The following BTBD9 variants were observed in gnomAD, a reference collection of about 807,000 sequenced individuals.
BTBD9 encodes the protein BTB domain containing 9.
BTBD9 carries 49 observed loss-of-function variants against 64.3 expected under a neutral mutation model. The ratio of observed to expected loss-of-function variants is 0.76; its 90% CI spans 0.61 to 0.97. BTBD9 has a LOEUF of 0.97. Among genes scored for constraint, BTBD9 ranks in the 50% least tolerant of loss-of-function variants. BTBD9 has a pLI of 0.00. For synonymous variants in BTBD9, 260 were observed against 274.7 expected, an observed-to-expected ratio of 0.95 and a Z score of 0.53; for missense variants, 598 against 762.1, an observed-to-expected ratio of 0.78 and a Z score of 2.53.
intron 7 of BTBD9, among the ~76,000 whole-genome samples, chr6:38,332,155 CA>C (rs1236428856): frequency 6.6e-6 from 1 of 152,068 alleles, no homozygotes; most frequent in Non-Finnish European, 1.5e-5. Flanking sequence ...ATGTATGTTG[CA>C]ATTATTTTTT....
At chr6:38,267,824 C>A (rs763948984) in intron 8 of BTBD9, among the ~76,000 whole-genome samples, 1 of 152,248 alleles carries the variant, frequency 6.6e-6, no homozygotes, top group East Asian at 1.9e-4. Flanking sequence ...CCTGTAGTCC[C>A]AGCTACTCGG....
chr6:38,550,468 C>T (rs1774748003), intron 6 of BTBD9, among the ~76,000 whole-genome samples: 1 of 152,032 alleles, frequency 6.6e-6, no homozygotes, highest in Admixed American at 6.6e-5. Context: ...AGGCACATGC[C>T]ACCACACCCG....
In BTBD9 at chr6:38,220,799, C is replaced by T. The variant is rs139000458; in HGVS notation, c.1563-28202G>A. On this transcript the variant is annotated intron_variant, in intron 9 of 10. Transcript: ENST00000481247. ...AAGACAATGTCACACCAAGCACCAT[C>T]GCTGCCTTCTTGAGATTCTTGGGAC... Among the ~76,000 whole-genome samples the T allele has an allele frequency of 2.1e-3, 318 of 152,342 alleles. 3 individuals are homozygous for T. The highest frequency in any genetic ancestry group is 7.2e-3 in the African/African-American group (301 of 41,572).
chr6:38,343,544 C>G lies in BTBD9; in HGVS notation c.1264+1440G>C, dbSNP rs185070400. On this transcript the variant is annotated intron_variant, in intron 7 of 10. Coordinates refer to ENST00000481247, the MANE Select transcript of BTBD9 (RefSeq NM_001099272.2). ...TCAGATATACAGTGAGGCCTACAGT[C>G]TATGGAAGAGCCTGGACAACAGGTG... is the stretch of plus-strand genomic sequence containing the variant. 1.4e-3 allele frequency among the ~76,000 whole-genome samples: 220 copies of G among 152,210 alleles called. 1 individual carries two copies. Among genetic ancestry groups the G allele is most frequent in the African/African-American group, 5.1e-3 (210 of 41,534 alleles).
chr6:38,177,688 C>A (rs1463782634), intron 10 of BTBD9, among the ~76,000 whole-genome samples: 1 of 152,190 alleles, frequency 6.6e-6, no homozygotes, highest in African/African-American at 2.4e-5. Flanking sequence ...TTCCACGACC[C>A]GACCTGTCGG....
intron 9 of BTBD9, among the ~76,000 whole-genome samples, chr6:38,230,018 T>G (rs1005335245): frequency 8.5e-5 from 13 of 152,160 alleles, no homozygotes; most frequent in Admixed American, 6.5e-4. Context: ...TGACCGCCAG[T>G]CCATTCTACC....
intron 6 of BTBD9, among the ~76,000 whole-genome samples, chr6:38,506,313 A>G (rs376471162): frequency 4.0e-4 from 61 of 152,344 alleles, no homozygotes; most frequent in African/African-American, 1.3e-3. Flanking sequence ...AAATGTGTTC[A>G]GAATACTTAC....
intron 6 of BTBD9, among the ~76,000 whole-genome samples, chr6:38,425,567 A>T (rs976710782): frequency 6.6e-6 from 1 of 151,834 alleles, no homozygotes; most frequent in Non-Finnish European, 1.5e-5. Flanking sequence ...GAGAGAGAAT[A>T]GGAGAGGGAG....
At chr6:38,251,623 G>C (rs1035403564) in intron 9 of BTBD9, among the ~76,000 whole-genome samples, 2 of 152,100 alleles carry the variant, frequency 1.3e-5, no homozygotes, top group Non-Finnish European at 1.5e-5. Flanking sequence ...ATTTCAGCCA[G>C]GTGCGGTGGC....
In BTBD9 at chr6:38,297,898, T is replaced by C. The variant is rs1762220051; in HGVS notation, c.1265-9437A>G. ...CTCTGTCGCCCAGGCTGCAGTGCAGTGGTGCTATCTCGGCTCACTGCAAGC... is the reference window on the plus strand; with the variant it reads ...CTCTGTCGCCCAGGCTGCAGTGCAGCGGTGCTATCTCGGCTCACTGCAAGC... On this transcript the variant is annotated intron_variant, in intron 7 of 10. Coordinates refer to ENST00000481247, the MANE Select transcript of BTBD9 (RefSeq NM_001099272.2). Among the ~76,000 whole-genome samples the C allele has an allele frequency of 4.0e-5, 6 of 151,352 alleles. No homozygotes were observed. In the South Asian group the frequency reaches 1.3e-3, roughly 32 times the overall value.
chr6:38,582,953 G>A (rs757875549), intron 4 of BTBD9, among the ~76,000 whole-genome samples: 6 of 152,148 alleles, frequency 3.9e-5, no homozygotes, highest in East Asian at 1.9e-4. Flanking sequence ...GCAAGGTATC[G>A]GGAAGAATTA....
At chr6:38,330,298 C>A (rs1318095881) in intron 7 of BTBD9, among the ~76,000 whole-genome samples, 1 of 152,120 alleles carries the variant, frequency 6.6e-6, no homozygotes, top group African/African-American at 2.4e-5. Context: ...GGTGATCCAC[C>A]CATATTGGCC....
At chr6:38,275,343 T>C (rs1430628587) in intron 8 of BTBD9, among the ~76,000 whole-genome samples, 1 of 151,860 alleles carries the variant, frequency 6.6e-6, no homozygotes, top group Non-Finnish European at 1.5e-5. Flanking sequence ...ATACAAAAAT[T>C]AATTCAAGAT....
At chr6:38,372,744 C>T (rs900637809) in intron 6 of BTBD9, among the ~76,000 whole-genome samples, 13 of 152,188 alleles carry the variant, frequency 8.5e-5, no homozygotes, top group Non-Finnish European at 1.9e-4. Flanking sequence ...ATAAGCCTCT[C>T]TCCAGTCTTC....
At chr6:38,576,802 C>T (rs1372013123) in intron 6 of BTBD9, among the ~76,000 whole-genome samples, 1 of 152,058 alleles carries the variant, frequency 6.6e-6, no homozygotes, top group African/African-American at 2.4e-5. Context: ...TGAGAAAACA[C>T]AGCAGAAAAA....
intron 6 of BTBD9, among the ~76,000 whole-genome samples, chr6:38,361,191 G>T (rs976383355): frequency 6.6e-6 from 1 of 152,156 alleles, no homozygotes; most frequent in Non-Finnish European, 1.5e-5. Flanking sequence ...ATGTAGCTAG[G>T]GGGTGGGGAC....
At chr6:38,454,220 G>A (rs1769685379) in intron 6 of BTBD9, among the ~76,000 whole-genome samples, 1 of 151,952 alleles carries the variant, frequency 6.6e-6, no homozygotes, top group Admixed American at 6.6e-5. Flanking sequence ...GTCCTCTGGC[G>A]GACACAGCTA....
At chr6:38,238,666 G>A (rs1320391091) in intron 9 of BTBD9, among the ~76,000 whole-genome samples, 1 of 151,976 alleles carries the variant, frequency 6.6e-6, no homozygotes, top group Non-Finnish European at 1.5e-5. Flanking sequence ...GTAGAGACGG[G>A]GTTTCACCGT....
intron 6 of BTBD9, among the ~76,000 whole-genome samples, chr6:38,461,215 C>T (rs995090450): frequency 6.6e-6 from 1 of 152,154 alleles, no homozygotes; most frequent in Admixed American, 6.5e-5. Flanking sequence ...TTGAGATGAA[C>T]AATTTGTTAA....
Sources: gnomAD v4.1 joint callset for allele counts (sites outside exome capture counted in the v4.1 genomes callset) on GRCh38, gnomAD v4.1.1 for gene constraint, MANE v1.5 for transcripts, NCBI Gene and HGNC (gene_info 2026-07-23, HGNC 2026-07-21) for gene names.